FSTL4: variants seen among roughly 807,000 people sequenced by gnomAD.
The protein encoded by FSTL4 is follistatin like 4.
Under a neutral mutation model 78.2 loss-of-function variants are expected in FSTL4, and 28 were observed. The observed-to-expected ratio is 0.36, with a 90% CI of 0.27 to 0.49. The LOEUF is 0.49. Ranked by LOEUF, FSTL4 falls within the 20% of genes least tolerant of loss-of-function variation. FSTL4 has a pLI of 0.98. For synonymous variants in FSTL4, 422 were observed against 440.5 expected (o/e 0.96, Z 0.53); for missense variants, 922 against 1,084.9 (o/e 0.85, Z 2.11).
intron 5 of FSTL4, among the ~76,000 whole-genome samples, chr5:133,315,909 G>A (rs1187654428): frequency 6.6e-6 from 1 of 152,246 alleles, no homozygotes; most frequent in Non-Finnish European, 1.5e-5. Flanking sequence ...CAAAGGACAT[G>A]TGTGCTGTGT....
Position 133,333,667 on chromosome 5 carries a change from G to A in FSTL4, c.410-17015C>T, listed in dbSNP as rs143221841. Among the ~76,000 whole-genome samples, 164 of 152,320 alleles carry A rather than the reference G, an allele frequency of 1.1e-3. 2 individuals carry two copies. The East Asian group carries it at 0.028, about 26-fold the overall frequency. On this transcript the variant is annotated intron_variant, in intron 4 of 15. Transcript: ENST00000265342. The stretch of plus-strand genomic sequence containing the variant: ...GATTTCCAGGTCTTTTAACTGACAG[G>A]AATGACCTGTAGCCGATTCCCAGAG...
chr5:133,696,483 C>T, the FSTL4 span, among the ~76,000 whole-genome samples: 1 of 152,226 alleles, frequency 6.6e-6, no homozygotes, highest in African/African-American at 2.4e-5. Context: ...TCCTCGAAGC[C>T]CCAGAGCCCT....
At chr5:133,580,944 C>G (rs1489366611) in intron 2 of FSTL4, among the ~76,000 whole-genome samples, 1 of 152,180 alleles carries the variant, frequency 6.6e-6, no homozygotes, top group Admixed American at 6.5e-5. Flanking sequence ...ACTTCCGACT[C>G]CTACCCACAC....
chr5:133,645,229 G>C, the FSTL4 span, among the ~76,000 whole-genome samples: 1 of 152,088 alleles, frequency 6.6e-6, no homozygotes, highest in Non-Finnish European at 1.5e-5. Context: ...TGATGCAGAG[G>C]GTCTCTGAAA....
At chr5:133,451,159 C>A (rs770450508) in intron 3 of FSTL4, among the ~76,000 whole-genome samples, 1 of 152,296 alleles carries the variant, frequency 6.6e-6, no homozygotes, top group East Asian at 1.9e-4. Flanking sequence ...TTGATTTAGG[C>A]AGGCAGGGTC....
the FSTL4 span, among the ~76,000 whole-genome samples, chr5:133,714,498 CT>C: frequency 1.3e-5 from 2 of 152,226 alleles, no homozygotes; most frequent in Admixed American, 6.5e-5. Flanking sequence ...GGAACAGTGT[CT>C]GGTACAGAGG....
At position 133,426,122 on chromosome 5, in the gene FSTL4, C is replaced by A. The variant is rs1440613392; in HGVS notation, c.161-25136G>T. On this transcript the variant is annotated intron_variant, in intron 3 of 15. Coordinates refer to ENST00000265342, the MANE Select transcript of FSTL4 (RefSeq NM_015082.2). The surrounding 1 kb of genome is among the most constrained non-coding windows in gnomAD (Gnocchi z 5.0). Reference sequence around the variant, plus strand: ...GCTTTCACCTTCCTCATTGCCCCAACATCCCTGAGAGTGTGCCTTTGATCT... The same window carrying A: ...GCTTTCACCTTCCTCATTGCCCCAAAATCCCTGAGAGTGTGCCTTTGATCT... Among the ~76,000 whole-genome samples, 1 of 152,230 alleles carries A rather than the reference C, an allele frequency of 6.6e-6. No homozygotes were observed. The highest frequency in any genetic ancestry group is 1.5e-5 in the Non-Finnish European group (1 of 68,042).
At chr5:133,775,557 T>A in the FSTL4 span, among the ~76,000 whole-genome samples, 2 of 152,210 alleles carry the variant, frequency 1.3e-5, no homozygotes, top group Non-Finnish European at 2.9e-5. Flanking sequence ...TGTTATGTGA[T>A]TCACTGAATC....
intron 4 of FSTL4, among the ~76,000 whole-genome samples, chr5:133,386,586 A>C (rs766049623): frequency 5.3e-5 from 8 of 152,218 alleles, no homozygotes; most frequent in Non-Finnish European, 1.2e-4. Context: ...GAGAACCACA[A>C]AAGTTTTTAA....
intron 6 of FSTL4, among the ~76,000 whole-genome samples, chr5:133,304,065 T>C (rs1194782671): frequency 1.3e-5 from 2 of 152,156 alleles, no homozygotes; most frequent in Non-Finnish European, 1.5e-5. Flanking sequence ...ATTCACATCC[T>C]AAGCCCGTCA....
At chr5:133,203,440 G>A (rs1750391988) in intron 14 of FSTL4, among the ~76,000 whole-genome samples, 1 of 152,202 alleles carries the variant, frequency 6.6e-6, no homozygotes. Flanking sequence ...GCCTCCTCAG[G>A]CAGGCTGGAG....
the FSTL4 span, among the ~76,000 whole-genome samples, chr5:133,753,402 C>A: frequency 6.6e-6 from 1 of 152,202 alleles, no homozygotes; most frequent in East Asian, 1.9e-4. Flanking sequence ...GATGCTTGTT[C>A]TCCCAACTCC....
At chr5:133,209,254 T>A (rs1750625693) in intron 14 of FSTL4, among the ~76,000 whole-genome samples, 1 of 152,160 alleles carries the variant, frequency 6.6e-6, no homozygotes. Flanking sequence ...TTGTGAGTGA[T>A]GCAGAGGTGC....
chr5:133,709,069 T>G, the FSTL4 span, among the ~76,000 whole-genome samples: 2 of 152,228 alleles, frequency 1.3e-5, no homozygotes, highest in Non-Finnish European at 2.9e-5. Context: ...ATCTGAGTTA[T>G]AAATTATTTT....
chr5:133,653,010 A>G, the FSTL4 span, among the ~76,000 whole-genome samples: 1 of 152,188 alleles, frequency 6.6e-6, no homozygotes, highest in Admixed American at 6.5e-5. Context: ...AAAATAGTCT[A>G]TATAGAAGTG....
chr5:133,467,727 C>T (rs904369372), intron 3 of FSTL4, among the ~76,000 whole-genome samples: 9 of 152,082 alleles, frequency 5.9e-5, no homozygotes, highest in African/African-American at 2.2e-4. Context: ...ACCCCCACCC[C>T]GATGGAGCAC....
chr5:133,780,067 GAGGGC>G, the FSTL4 span, among the ~76,000 whole-genome samples: 1 of 152,178 alleles, frequency 6.6e-6, no homozygotes, highest in African/African-American at 2.4e-5. Flanking sequence ...CCAGGGACAA[GAGGGC>G]TCGCAGGTGC....
intron 6 of FSTL4, among the ~76,000 whole-genome samples, chr5:133,282,881 A>G (rs1462808798): frequency 6.6e-6 from 1 of 152,236 alleles, no homozygotes; most frequent in Non-Finnish European, 1.5e-5. Flanking sequence ...TTTCCCAGGA[A>G]GACAACTTTC....
intron 1 of FSTL4, 66 bp from the exon 2 acceptor site, chr5:133,604,059 G>T: frequency 8.9e-7 from 1 of 1,127,040 alleles, no homozygotes; most frequent in Non-Finnish European, 1.3e-6. Context: ...GTCACAGTGA[G>T]TTAGTATGTG....
Sources: gnomAD v4.1 joint callset for allele counts (sites outside exome capture counted in the v4.1 genomes callset) on GRCh38, gnomAD v4.1.1 for gene constraint, Gnocchi (gnomAD v3.1) non-coding constraint, MANE v1.5 for transcripts, NCBI Gene and HGNC (gene_info 2026-07-23, HGNC 2026-07-21) for gene names.